Variants in TPCN1 observed in about 807,000 individuals in gnomAD.
The protein encoded by TPCN1 is two pore channel protein 1.
TPCN1 carries 52 observed loss-of-function variants against 108.8 expected under a neutral mutation model. That is an observed-to-expected ratio of 0.48 (90% CI 0.38 to 0.60). The LOEUF (loss-of-function observed/expected upper bound fraction) is 0.60. Ranked by LOEUF, TPCN1 falls within the 20% of genes least tolerant of loss-of-function variation. The probability of loss-of-function intolerance (pLI) is 0.00; values close to 1 mark genes in which losing one functional copy is unlikely to be tolerated. For missense variants in TPCN1, 806 were observed against 1,072.8 expected (o/e 0.75, Z 3.47); for synonymous variants, 446 against 433.7 (o/e 1.03, Z -0.35).
chr12:113,243,780 T>A (rs1593101309), intron 2 of TPCN1, among the ~76,000 whole-genome samples: 1 of 134,630 alleles, frequency 7.4e-6, no homozygotes, highest in Non-Finnish European at 1.7e-5. Flanking sequence ...AAAATAAAAA[T>A]AAAATAAAAA....
At position 113,248,826 on chromosome 12, in the gene TPCN1, A is replaced by G. The variant is rs1304233861; in HGVS notation, c.113-11542A>G. ...ACAAAAAAGTTACCTAAAAACACAC[A>G]CACGCACACACACGATAGAGGATTT... On this transcript the variant is annotated intron_variant, in intron 2 of 27. Transcript: ENST00000335509. 2.6e-5 allele frequency among the ~76,000 whole-genome samples: 4 copies of G among 152,210 alleles called. No homozygotes were observed. In the East Asian group the frequency reaches 7.7e-4, roughly 29 times the overall value.
Position 113,277,265 on chromosome 12 carries a change from A to G in TPCN1, c.1085A>G (p.Gln362Arg), listed in dbSNP as rs181500220. The G allele has an allele frequency of 1.2e-6, 2 of 1,613,928 alleles. No individual in the cohort carries two copies. The highest frequency in any genetic ancestry group is 3.3e-5 in the Admixed American group (2 of 60,002). ...AGGCCTGCCGGCATCTCCTACAGGC[A>G]GTTTGAAGGCCTCATGCGCTTCTAC... The part of the protein sequence containing the change: ...QRRPAGISYR[Q>R]FEGLMRFYKP... Residue 362 changes from glutamine (Q) to arginine (R), a missense_variant, in exon 12 of 28, where the codon CAG (glutamine) becomes CGG (arginine). Coordinates refer to ENST00000335509, the MANE Select transcript of TPCN1 (RefSeq NM_017901.6).
rs1467866640 is a variant in TPCN1 at position 113,226,761 on chromosome 12, A to AC, written c.-88dup. The AC allele has an allele frequency of 6.3e-7, 1 of 1,589,446 alleles. No individual in the cohort carries two copies. The highest frequency in any genetic ancestry group is 8.6e-7 in the Non-Finnish European group (1 of 1,167,288). On this transcript the variant is annotated 5_prime_UTR_variant, in exon 2 of 28. It removes the in-frame stop codon of an upstream open reading frame in the 5' UTR. Transcript: ENST00000335509. ...TCTAATGGAGGAGTTTCTGAGCAGC[A>AC]CCCCTGGCCCAGTGGCTTTGAAAGG...
intron 7 of TPCN1, among the ~76,000 whole-genome samples, chr12:113,270,771 G>A (rs1054308431): frequency 7.9e-5 from 12 of 152,076 alleles, no homozygotes; most frequent in African/African-American, 2.9e-4. Flanking sequence ...GGGCCACCGC[G>A]CCCGGCCTCT....
chr12:113,222,493 C>T (rs1001573137), intron 1 of TPCN1, among the ~76,000 whole-genome samples: 3 of 152,164 alleles, frequency 2.0e-5, no homozygotes, highest in Admixed American at 6.5e-5. Flanking sequence ...CACCAGCAAT[C>T]CCCCCACTCC....
chr12:113,281,004 A>C (rs1955868040), intron 15 of TPCN1, among the ~76,000 whole-genome samples: 1 of 152,122 alleles, frequency 6.6e-6, no homozygotes, highest in African/African-American at 2.4e-5. Context: ...AAGATTAAGA[A>C]TCTAGATGTG....
rs969796198 is a variant in TPCN1, at chr12:113,273,839, G to C, written c.942+171G>C. The stretch of plus-strand genomic sequence containing the variant: ...GCGGTGTTGCAGGGAATGCCCTGTC[G>C]GGACTTCAGGAGTTCAGCCAGTTGC... On this transcript the variant is annotated intron_variant, in intron 10 of 27. Coordinates refer to ENST00000335509, the MANE Select transcript of TPCN1 (RefSeq NM_017901.6). This position sits in a 1 kb window ranked among gnomAD's most constrained non-coding sequence, Gnocchi z 4.0. 6.6e-6 allele frequency among the ~76,000 whole-genome samples: 1 copy of C among 152,152 alleles called. No individual in the cohort carries two copies. Among genetic ancestry groups the C allele is most frequent in the South Asian group, 2.1e-4 (1 of 4,822 alleles).
intron 3 of TPCN1, among the ~76,000 whole-genome samples, chr12:113,264,235 T>C (rs1955157723): frequency 6.6e-6 from 1 of 152,192 alleles, no homozygotes; most frequent in African/African-American, 2.4e-5. Context: ...GTTTGCTCCC[T>C]TTGACATGCC....
At chr12:113,280,075 GATAATA>G in intron 14 of TPCN1, 70 bp from the exon 15 acceptor site, 1 of 1,197,422 alleles carries the variant, frequency 8.4e-7, no homozygotes, top group Non-Finnish European at 1.2e-6. Flanking sequence ...CCCAGAAAGA[GATAATA>G]ATAATTAAGG....
chr12:113,276,515 C>A (rs1325005881), intron 10 of TPCN1, among the ~76,000 whole-genome samples: 1 of 152,098 alleles, frequency 6.6e-6, no homozygotes, highest in African/African-American at 2.4e-5. Flanking sequence ...GGGCAGGCAG[C>A]CTCCGCCTGC....
intron 2 of TPCN1, among the ~76,000 whole-genome samples, chr12:113,237,702 G>A (rs1390032071): frequency 6.6e-6 from 1 of 152,198 alleles, no homozygotes; most frequent in Admixed American, 6.5e-5. Flanking sequence ...TCTGGACAAT[G>A]CTGAACAGAT....
rs1017317271 is a variant in TPCN1 at position 113,274,434 on chromosome 12, C to T, written c.942+766C>T. 1.6e-4 allele frequency among the ~76,000 whole-genome samples: 24 copies of T among 150,924 alleles called. 1 individual carries two copies. The highest frequency in any genetic ancestry group is 1.5e-3 in the Admixed American group (23 of 15,154). ...TTGCACTCCAGCCTGGGCAACAGCA[C>T]GAGACTCTGTATCAAAAAAAAAAAA... is the stretch of plus-strand genomic sequence containing the variant. On this transcript the variant is annotated intron_variant, in intron 10 of 27. Coordinates refer to ENST00000335509, the MANE Select transcript of TPCN1 (RefSeq NM_017901.6).
chr12:113,278,778 A>G lies in TPCN1; in HGVS notation c.1240A>G (p.Lys414Glu). The G allele has an allele frequency of 6.2e-7, 1 of 1,613,980 alleles. No homozygotes were observed. ...EVAALKWKAK[K>E]NREHWFDELP... ...TGGTCCTGTTGTCTACCAGGCCAAG[A>G]AAAACAGAGAGCACTGGTTTGATGA... The change falls in exon 14 of 28, where the codon AAA becomes GAA. Residue 414 changes from lysine to glutamate, a missense_variant. Physicochemically the swap from Lys to Glu is moderately conservative, Grantham distance 56 (BLOSUM62 1). Transcript: ENST00000335509.
At chr12:113,252,722 G>A (rs1403385488) in intron 2 of TPCN1, among the ~76,000 whole-genome samples, 1 of 152,228 alleles carries the variant, frequency 6.6e-6, no homozygotes, top group Non-Finnish European at 1.5e-5. Context: ...CCAGCTGCTT[G>A]CCTGTGGCTT....
chr12:113,262,408 T>TAAAA (rs556927143), intron 3 of TPCN1, among the ~76,000 whole-genome samples: 1 of 102,794 alleles, frequency 9.7e-6, no homozygotes, highest in Non-Finnish European at 2.1e-5. Flanking sequence ...AGACCCTGTC[T>TAAAA]AAAAAAAAAA....
At chr12:113,259,021 C>T (rs1265045405) in intron 2 of TPCN1, among the ~76,000 whole-genome samples, 1 of 151,530 alleles carries the variant, frequency 6.6e-6, no homozygotes, top group Non-Finnish European at 1.5e-5. Context: ...CTCTGTCCCC[C>T]AGGCTAGAGT....
At position 113,293,157 on chromosome 12, in the gene TPCN1, A is replaced by G. The variant is rs573383985; in HGVS notation, c.2253+84A>G. 330 of 1,602,604 alleles carry G rather than the reference A, an allele frequency of 2.1e-4. 1 individual carries two copies. The highest frequency in any genetic ancestry group is 2.0e-3 in the Middle Eastern group (12 of 6,038). ...ATCCCTTCCCTCAGATATTGGTAAC[A>G]TTTTGAGTGACACAGTTGCAAAAGC... is the stretch of plus-strand genomic sequence containing the variant. On this transcript the variant is annotated intron_variant, in intron 26 of 27. Transcript: ENST00000335509.
At chr12:113,261,198 A>T (rs1426975865) in intron 3 of TPCN1, among the ~76,000 whole-genome samples, 1 of 152,112 alleles carries the variant, frequency 6.6e-6, no homozygotes, top group Non-Finnish European at 1.5e-5. Context: ...ACAAACAAAA[A>T]ATTTTGTATT....
At chr12:113,236,819 C>T (rs948947228) in intron 2 of TPCN1, among the ~76,000 whole-genome samples, 1 of 152,118 alleles carries the variant, frequency 6.6e-6, no homozygotes, top group Non-Finnish European at 1.5e-5. Flanking sequence ...TTGATTTCCT[C>T]ATCCGTAAAA....
Sources: gnomAD v4.1 joint callset for allele counts (sites outside exome capture counted in the v4.1 genomes callset) on GRCh38, gnomAD v4.1.1 for gene constraint, Gnocchi (gnomAD v3.1) non-coding constraint, MANE v1.5 for transcripts, NCBI Gene and HGNC (gene_info 2026-07-23, HGNC 2026-07-21) for gene names.